The following SOX6 variants were observed in gnomAD, a reference collection of about 807,000 sequenced individuals.
SOX6 encodes the protein transcription factor SOX-6.
In SOX6, 11 loss-of-function variants were observed where a neutral mutation model predicts 97.8. The observed-to-expected ratio is 0.11, with a 90% CI of 0.07 to 0.19. The LOEUF (loss-of-function observed/expected upper bound fraction) is 0.19. Ranked by LOEUF, SOX6 falls within the 10% of genes least tolerant of loss-of-function variation. The pLI, the probability that SOX6 is intolerant of heterozygous loss-of-function variation, is 1.00. For synonymous variants in SOX6, 360 were observed against 371.4 expected (o/e 0.97, Z 0.35); for missense variants, 810 against 1,039.5 (o/e 0.78, Z 3.04).
intron 6 of SOX6, among the ~76,000 whole-genome samples, chr11:16,165,170 A>G (rs1391595634): frequency 6.6e-6 from 1 of 152,222 alleles, no homozygotes; most frequent in African/African-American, 2.4e-5. Context: ...AAATACTACC[A>G]TCGCATTTAA....
chr11:16,131,005 A>G (rs1849726386), intron 6 of SOX6, among the ~76,000 whole-genome samples: 1 of 151,986 alleles, frequency 6.6e-6, no homozygotes, highest in African/African-American at 2.4e-5. Context: ...AAACTGAAAA[A>G]CGTCTAGAAG....
intron 4 of SOX6, among the ~76,000 whole-genome samples, chr11:16,227,956 G>C (rs2134166581): frequency 6.6e-6 from 1 of 152,200 alleles, no homozygotes; most frequent in Non-Finnish European, 1.5e-5. Context: ...CCAGCACTTT[G>C]GGAGGCCAAG....
At chr11:16,429,971 C>A (rs532843635) in intron 1 of SOX6, among the ~76,000 whole-genome samples, 9 of 152,232 alleles carry the variant, frequency 5.9e-5, no homozygotes, top group African/African-American at 2.2e-4. Flanking sequence ...GGTATGTTTT[C>A]AATTTGCTCA....
At chr11:16,298,412 G>GT (rs967984781) in intron 3 of SOX6, among the ~76,000 whole-genome samples, 32 of 151,618 alleles carry the variant, frequency 2.1e-4, no homozygotes, top group Non-Finnish European at 3.7e-4. Context: ...AAATTTATGT[G>GT]TTTTTTTTAG....
At position 16,266,521 on chromosome 11, in the gene SOX6, T is replaced by C. The variant is rs1236446347; in HGVS notation, c.446-31850A>G. Among the ~76,000 whole-genome samples, 5 of 151,750 alleles carry C rather than the reference T, an allele frequency of 3.3e-5. No individual in the cohort carries two copies. The East Asian group carries it at 9.6e-4, about 29-fold the overall frequency. ...GAAATAACAATAACATGGGTGTATA[T>C]TTAATTTTTTCTTTTTATTTAAATA... On this transcript the variant is annotated intron_variant, in intron 3 of 15. Transcript: ENST00000683767.
intron 3 of SOX6, among the ~76,000 whole-genome samples, chr11:16,639,458 G>A (rs376103465): frequency 2.0e-5 from 3 of 152,038 alleles, no homozygotes; most frequent in Non-Finnish European, 4.4e-5. Context: ...GAAGAAAGTC[G>A]TTGGTAGCTT....
chr11:16,500,261 C>G (rs1474776436), intron 4 of SOX6, among the ~76,000 whole-genome samples: 1 of 152,186 alleles, frequency 6.6e-6, no homozygotes, highest in Non-Finnish European at 1.5e-5. Context: ...AATTCAACAA[C>G]TCTTCATGCT....
chr11:16,011,801 C>T (rs954351558), intron 13 of SOX6, among the ~76,000 whole-genome samples: 1 of 152,016 alleles, frequency 6.6e-6, no homozygotes, highest in Non-Finnish European at 1.5e-5. Context: ...CCAGAGGAAA[C>T]CTGTATGGAC....
At chr11:16,195,531 C>A (rs765760978) in intron 4 of SOX6, among the ~76,000 whole-genome samples, 1 of 152,150 alleles carries the variant, frequency 6.6e-6, no homozygotes, top group African/African-American at 2.4e-5. Flanking sequence ...AAAAGCTTGG[C>A]TAGCAATCAG....
At chr11:16,660,716 G>A (rs906342840) in intron 3 of SOX6, among the ~76,000 whole-genome samples, 5 of 152,180 alleles carry the variant, frequency 3.3e-5, no homozygotes, top group African/African-American at 9.7e-5. Flanking sequence ...TCTTATAGAT[G>A]GGATTAGTAC....
At chr11:16,266,800 C>CA (rs904233119) in intron 3 of SOX6, among the ~76,000 whole-genome samples, 1 of 150,932 alleles carries the variant, frequency 6.6e-6, no homozygotes, top group African/African-American at 2.4e-5. Flanking sequence ...AATAAACCAG[C>CA]AAAAAATATA....
intron 1 of SOX6, among the ~76,000 whole-genome samples, chr11:16,425,888 T>C (rs763298483): frequency 3.3e-4 from 50 of 151,940 alleles, no homozygotes; most frequent in Non-Finnish European, 6.0e-4. Context: ...GGCTATACTG[T>C]CCAAAGCAAT....
At chr11:16,724,080 T>C (rs1480729418) in intron 2 of SOX6, among the ~76,000 whole-genome samples, 1 of 152,214 alleles carries the variant, frequency 6.6e-6, no homozygotes, top group Admixed American at 6.5e-5. Context: ...TAATAACTAA[T>C]TAGTTAATTG....
intron 4 of SOX6, among the ~76,000 whole-genome samples, chr11:16,582,881 T>C (rs1848043827): frequency 1.3e-5 from 2 of 152,066 alleles, no homozygotes; most frequent in Non-Finnish European, 1.5e-5. Flanking sequence ...GAACTGACAA[T>C]TCCTATGCTC....
At chr11:16,482,013 G>C (rs971055809) in intron 4 of SOX6, among the ~76,000 whole-genome samples, 3 of 152,202 alleles carry the variant, frequency 2.0e-5, no homozygotes, top group Non-Finnish European at 4.4e-5. Context: ...CAAATGTCTG[G>C]TTTAGAAAAA....
At chr11:16,581,960 CAAAA>C (rs35137027) in intron 4 of SOX6, among the ~76,000 whole-genome samples, 5 of 106,468 alleles carry the variant, frequency 4.7e-5, no homozygotes, top group Admixed American at 1.0e-4. Flanking sequence ...GACTCCATCT[CAAAA>C]AAAAAAAAAA....
intron 3 of SOX6, among the ~76,000 whole-genome samples, chr11:16,246,713 T>G (rs866105657): frequency 3.3e-5 from 5 of 152,232 alleles, no homozygotes; most frequent in South Asian, 2.1e-4. Context: ...TTCCCTGTGT[T>G]TATACTTCTT....
chr11:16,738,395 G>T (rs746017412), intron 1 of SOX6: 2 of 274,544 alleles, frequency 7.3e-6, no homozygotes. Context: ...GCCTCCTCCT[G>T]TGGCGACAAA....
At chr11:16,163,027 TA>T (rs1001292396) in intron 6 of SOX6, among the ~76,000 whole-genome samples, 6 of 128,062 alleles carry the variant, frequency 4.7e-5, no homozygotes, top group Non-Finnish European at 8.6e-5. Flanking sequence ...GACAAGATAA[TA>T]AAAAAGAATG....
Sources: gnomAD v4.1 joint callset for allele counts (sites outside exome capture counted in the v4.1 genomes callset) on GRCh38, gnomAD v4.1.1 for gene constraint, MANE v1.5 for transcripts, NCBI Gene and HGNC (gene_info 2026-07-23, HGNC 2026-07-21) for gene names.